Variants in KCNH1 observed in about 807,000 individuals in gnomAD.
The protein encoded by KCNH1 is voltage-gated delayed rectifier potassium channel KCNH1.
A neutral mutation model predicts 69.2 loss-of-function variants in KCNH1; 27 were observed. The ratio of observed to expected loss-of-function variants is 0.39; its 90% CI spans 0.29 to 0.54. The LOEUF is 0.54. KCNH1 is among the 20% of genes least tolerant of loss of function. The pLI is 0.68. For missense variants in KCNH1, 798 were observed against 1,261.6 expected (o/e 0.63, Z 5.57); for synonymous variants, 456 against 487.7 (o/e 0.93, Z 0.86).
At chr1:210,792,896 C>T (rs1474165158) in intron 9 of KCNH1, among the ~76,000 whole-genome samples, 1 of 152,136 alleles carries the variant, frequency 6.6e-6, no homozygotes, top group Admixed American at 6.5e-5. Flanking sequence ...GTCCATGACT[C>T]ATCTATGTTG....
At chr1:210,933,304 A>G (rs1055514821) in intron 6 of KCNH1, among the ~76,000 whole-genome samples, 2 of 150,386 alleles carry the variant, frequency 1.3e-5, no homozygotes, top group African/African-American at 4.9e-5. Context: ...ATAGGTGGGA[A>G]TTGAACAATG....
chr1:210,741,412 T>C (rs1683028572), intron 10 of KCNH1, among the ~76,000 whole-genome samples: 1 of 152,224 alleles, frequency 6.6e-6, no homozygotes, highest in South Asian at 2.1e-4. Context: ...TCCGTGGCAG[T>C]CTTGTTCCTC....
intron 5 of KCNH1, among the ~76,000 whole-genome samples, chr1:211,057,197 A>G (rs1299892582): frequency 6.6e-6 from 1 of 152,272 alleles, no homozygotes; most frequent in African/African-American, 2.4e-5. Flanking sequence ...AAAAGAATCA[A>G]GTAGAATTTC....
chr1:210,941,655 G>A (rs1027559063), intron 6 of KCNH1, among the ~76,000 whole-genome samples: 2 of 152,174 alleles, frequency 1.3e-5, no homozygotes, highest in South Asian at 2.1e-4. Context: ...TACTTCTGAG[G>A]AGGCAAAGGA....
At chr1:210,880,803 G>C (rs1686476794) in intron 7 of KCNH1, among the ~76,000 whole-genome samples, 1 of 151,970 alleles carries the variant, frequency 6.6e-6, no homozygotes, top group Non-Finnish European at 1.5e-5. Context: ...GCCACAAAAT[G>C]GGGGAAAAAA....
intron 6 of KCNH1, among the ~76,000 whole-genome samples, chr1:210,927,258 A>AC (rs1687592475): frequency 1.3e-5 from 2 of 152,198 alleles, no homozygotes; most frequent in African/African-American, 4.8e-5. Context: ...TCGTCTAGGC[A>AC]CACAGTCATC....
At chr1:210,820,488 G>C (rs1024792242) in intron 7 of KCNH1, among the ~76,000 whole-genome samples, 1 of 151,972 alleles carries the variant, frequency 6.6e-6, no homozygotes, top group African/African-American at 2.4e-5. Flanking sequence ...ACAAAAATTA[G>C]CCAGGCATGG....
At chr1:210,734,691 C>G (rs905136192) in intron 10 of KCNH1, among the ~76,000 whole-genome samples, 1 of 152,014 alleles carries the variant, frequency 6.6e-6, no homozygotes, top group Non-Finnish European at 1.5e-5. Context: ...ATGCCACCCC[C>G]CTTGGCAGCA....
chr1:210,864,389 T>C (rs1686057447), intron 7 of KCNH1, among the ~76,000 whole-genome samples: 1 of 152,126 alleles, frequency 6.6e-6, no homozygotes, highest in Non-Finnish European at 1.5e-5. Context: ...TCAAGAACAG[T>C]GTTGGTAGTA....
chr1:211,003,611 TATAGGATA>T (rs1242817276), intron 6 of KCNH1, among the ~76,000 whole-genome samples: 2 of 151,904 alleles, frequency 1.3e-5, no homozygotes, highest in Admixed American at 1.3e-4. Flanking sequence ...CATATCTAGG[TATAGGATA>T]ATAAAACTAC....
chr1:210,972,967 T>C (rs1234768316), intron 6 of KCNH1, among the ~76,000 whole-genome samples: 1 of 149,982 alleles, frequency 6.7e-6, no homozygotes. Context: ...TTGCCTCCCA[T>C]CTACTCACTC....
chr1:210,711,390 C>T (rs1259342727), intron 10 of KCNH1, among the ~76,000 whole-genome samples: 1 of 152,236 alleles, frequency 6.6e-6, no homozygotes, highest in Non-Finnish European at 1.5e-5. Context: ...TACTCCCATT[C>T]CCAGGCATTG....
chr1:210,788,633 C>G (rs1278877621), intron 9 of KCNH1, among the ~76,000 whole-genome samples: 1 of 146,916 alleles, frequency 6.8e-6, no homozygotes, highest in Non-Finnish European at 1.5e-5. Flanking sequence ...CTACCTGATA[C>G]AAGTGGTTTT....
chr1:210,833,316 G>A (rs1385124469), intron 7 of KCNH1, among the ~76,000 whole-genome samples: 1 of 152,112 alleles, frequency 6.6e-6, no homozygotes, highest in Non-Finnish European at 1.5e-5. Context: ...ATACAGCATG[G>A]TACTGGTATC....
At chr1:211,018,048 T>C (rs1170850394) in intron 6 of KCNH1, among the ~76,000 whole-genome samples, 1 of 152,118 alleles carries the variant, frequency 6.6e-6, no homozygotes, top group Non-Finnish European at 1.5e-5. Context: ...CCTCTTCCTG[T>C]CTCTCACTTC....
intron 7 of KCNH1, among the ~76,000 whole-genome samples, chr1:210,827,878 T>C (rs1435724231): frequency 6.6e-6 from 1 of 152,186 alleles, no homozygotes; most frequent in African/African-American, 2.4e-5. Flanking sequence ...AAAGTCACTC[T>C]CACCCAGGCT....
chr1:210,846,558 A>T (rs946659876), intron 7 of KCNH1, among the ~76,000 whole-genome samples: 41 of 152,220 alleles, frequency 2.7e-4, no homozygotes, highest in Non-Finnish European at 1.0e-4. Context: ...TCCCTTCCTT[A>T]CACCTTACAC....
intron 5 of KCNH1, among the ~76,000 whole-genome samples, chr1:211,046,361 A>G (rs545499785): frequency 6.6e-6 from 1 of 152,352 alleles, no homozygotes; most frequent in South Asian, 2.1e-4. Context: ...GAATAAAAAT[A>G]AAAGCAAGAG....
intron 5 of KCNH1, among the ~76,000 whole-genome samples, chr1:211,067,136 C>T (rs1164412155): frequency 1.3e-5 from 2 of 152,214 alleles, no homozygotes; most frequent in East Asian, 1.9e-4. Context: ...AGCAGAGTCA[C>T]TCCCGCATGG....
Sources: gnomAD v4.1 joint callset for allele counts (sites outside exome capture counted in the v4.1 genomes callset) on GRCh38, gnomAD v4.1.1 for gene constraint, MANE v1.5 for transcripts, NCBI Gene and HGNC (gene_info 2026-07-23, HGNC 2026-07-21) for gene names.